The following TTN variants were observed in gnomAD, a reference collection of about 807,000 sequenced individuals.
The protein encoded by TTN is connectin.
In TTN, 1,525 loss-of-function variants were observed where a neutral mutation model predicts 3,223.0. The observed-to-expected ratio is 0.47, with a 90% CI of 0.45 to 0.49. The LOEUF (loss-of-function observed/expected upper bound fraction) is 0.49. Ranked by LOEUF, TTN falls within the 20% of genes least tolerant of loss-of-function variation. The probability of loss-of-function intolerance (pLI) is 0.00; values close to 1 mark genes in which losing one functional copy is unlikely to be tolerated. For missense variants in TTN, 40,786 were observed against 43,424.0 expected (o/e 0.94, Z 5.40); for synonymous variants, 14,094 against 15,161.0 (o/e 0.93, Z 5.17).
chr2:178,592,990 C>T lies in TTN; in HGVS notation c.59129G>A (p.Ser19710Asn). The change falls in exon 300 of 363, where the codon AGC (serine) becomes AAC (asparagine). Residue 19710 changes from serine to asparagine, a missense_variant. Physicochemically the swap from Ser to Asn is conservative, Grantham distance 46 (BLOSUM62 1). Transcript: ENST00000589042. ...CTCAACAATATAACCCAGAATCTTG[C>T]TCCCACCATCATGACGTGGTGGCTG... ...TWQPPRHDGG[S>N]KILGYIVEYQ... The T allele has an allele frequency of 6.2e-7, 1 of 1,613,502 alleles. No individual in the cohort carries two copies. The highest frequency in any genetic ancestry group is 1.1e-5 in the South Asian group (1 of 91,066).
rs376287060 is a variant in TTN at position 178,549,138 on chromosome 2, C to T, written c.92488G>A (p.Val30830Ile). Residue 30830 changes from valine (V) to isoleucine (I), a missense_variant, in exon 339 of 363, where the codon GTA (valine) becomes ATA (isoleucine). Physicochemically the swap from Val to Ile is conservative, Grantham distance 29 (BLOSUM62 3). Transcript: ENST00000589042. ...ACAGTTGTCTTTGATGTGTCTGTTA[C>T]TTTGACCACTGTGGGAGGACCTGGT... Reference protein sequence around the residue: ...NPPGPPTVVKVTDTSKTTVSL... With the variant: ...NPPGPPTVVKITDTSKTTVSL... The T allele has an allele frequency of 2.4e-5, 38 of 1,613,694 alleles. No individual in the cohort carries two copies. Among genetic ancestry groups the T allele is most frequent in the Middle Eastern group, 3.3e-4 (2 of 6,080 alleles).
At position 178,575,124 on chromosome 2, in the gene TTN, CT is replaced by C; in HGVS notation, c.71007del (p.Gly23670GlufsTer22). On this transcript the variant is annotated frameshift_variant, in exon 326 of 363. Transcript: ENST00000589042. LOFTEE classifies it high-confidence loss of function. The surrounding 1 kb of genome is among the most constrained non-coding windows in gnomAD (Gnocchi z 4.0). ...GRPKPTVTWK[K>X]GDQILKQTQR... ...TGTGTCTGTTTAAGAATTTGGTCTCCTTTTTTCCATGTCACTGTGGGCTTCG... is the reference window on the plus strand; with the variant it reads ...TGTGTCTGTTTAAGAATTTGGTCTCCTTTTTCCATGTCACTGTGGGCTTCG... 6.2e-7 allele frequency: 1 copy of C among 1,612,932 alleles called. No individual in the cohort carries two copies.
Position 178,543,069 on chromosome 2 carries a change from C to G in TTN, c.96904G>C (p.Val32302Leu), listed in dbSNP as rs1339368168. The change falls in exon 347 of 363, where the codon GTG becomes CTG. Residue 32302 changes from valine to leucine, a missense_variant and splice_region_variant. Physicochemically the swap from Val to Leu is conservative, Grantham distance 32 (BLOSUM62 1). Transcript: ENST00000589042. ...VTAVTVQDLR[V>L]LPTIDLSTMP... ...TTTTTTTTGGCTATTTGGTACATAC[C>G]TCTGAGGTCTTGTACAGTCACGGCT... 1 of 1,569,028 alleles carries G rather than the reference C, an allele frequency of 6.4e-7. No individual in the cohort carries two copies.
At chr2:178,803,734 T>C (rs1188927372) in intron 2 of TTN, among the ~76,000 whole-genome samples, 2 of 152,032 alleles carry the variant, frequency 1.3e-5, no homozygotes, top group Non-Finnish European at 2.9e-5. Context: ...CCATCTTACA[T>C]GGCTCGTTAC....
In TTN at chr2:178,739,395, A is replaced by T; in HGVS notation, c.13838T>A (p.Val4613Glu). Residue 4613 changes from valine (V) to glutamate (E), a missense_variant, in exon 48 of 363, where the codon GTG becomes GAG. Physicochemically the swap from Val to Glu is moderately radical, Grantham distance 121 (BLOSUM62 -2). Transcript: ENST00000589042. ...ATCACCTTCCTCAGAAACAGTGTCC[A>T]CTAAAGGTGTATGTATCATGGGGCC... ...EDGPMIHTPL[V>E]DTVSEEGDIV... The T allele has an allele frequency of 1.9e-6, 3 of 1,613,896 alleles. No individual in the cohort carries two copies. Among genetic ancestry groups the T allele is most frequent in the Non-Finnish European group, 2.5e-6 (3 of 1,179,834 alleles).
In TTN at chr2:178,718,913, G is replaced by A. The variant is rs370271716; in HGVS notation, c.24287C>T (p.Thr8096Ile). The A allele has an allele frequency of 6.2e-7, 1 of 1,613,062 alleles. No homozygotes were observed. Among genetic ancestry groups the A allele is most frequent in the Non-Finnish European group, 8.5e-7 (1 of 1,179,472 alleles). ...GGTGCCTCTGATGACACTGGTGAAT[G>A]TGAGGCTCATTCCAGGCAAAACTTC... is the stretch of plus-strand genomic sequence containing the variant. ...SVEVLPGMSL[T>I]FTSVIRGTPP... Residue 8096 changes from threonine (T) to isoleucine (I), a missense_variant, in exon 84 of 363, where the codon ACA becomes ATA. Physicochemically the swap from Thr to Ile is moderately conservative, Grantham distance 89. Transcript: ENST00000589042.
intron 121 of TTN, among the ~76,000 whole-genome samples, chr2:178,690,969 G>A (rs911488101): frequency 6.6e-6 from 1 of 152,096 alleles, no homozygotes; most frequent in Non-Finnish European, 1.5e-5. Flanking sequence ...TTTGTATGGG[G>A]AAATGTAGTA....
intron 43 of TTN, chr2:178,760,790 A>C (rs2088888383): frequency 6.6e-6 from 1 of 152,100 alleles, no homozygotes; most frequent in Admixed American, 6.5e-5. Context: ...TAACACGCCA[A>C]AAGACAGTGC....
Position 178,603,989 on chromosome 2 carries a change from A to G in TTN, c.54698T>C (p.Val18233Ala). 1 of 1,612,774 alleles carries G rather than the reference A, an allele frequency of 6.2e-7. No homozygotes were observed. Among genetic ancestry groups the G allele is most frequent in the Non-Finnish European group, 8.5e-7 (1 of 1,179,108 alleles). Residue 18233 changes from valine (V) to alanine (A), a missense_variant, in exon 282 of 363, where the codon GTT (valine) becomes GCT (alanine). By Grantham distance (64) the Val-to-Ala change is moderately conservative. Coordinates refer to ENST00000589042, the MANE Select transcript of TTN (RefSeq NM_001267550.2). The part of the protein sequence containing the change: ...KVGLKGVEFN[V>A]PRLLEGVKYQ... ...TTTAACGCCTTCAAGCAAACGAGGA[A>G]CATTAAATTCCACGCCTTTCAATCC...
chr2:178,614,091 G>A lies in TTN; in HGVS notation c.49306C>T (p.Pro16436Ser). ...GCTGTTATTGGAGAGGCCTGAACTG[G>A]TTCACCAACACCATACATGTTTTCT... ...AAENMYGVGE[P>S]VQASPITAKY... The change falls in exon 262 of 363, where the codon CCA becomes TCA. Residue 16436 changes from proline to serine, a missense_variant. Physicochemically the swap from Pro to Ser is moderately conservative, Grantham distance 74. Coordinates refer to ENST00000589042, the MANE Select transcript of TTN (RefSeq NM_001267550.2). 1 of 1,612,398 alleles carries A rather than the reference G, an allele frequency of 6.2e-7. No individual in the cohort carries two copies. The highest frequency in any genetic ancestry group is 8.5e-7 in the Non-Finnish European group (1 of 1,179,226).
Position 178,615,492 on chromosome 2 carries a change from A to G in TTN, c.48461-8T>C. 1 of 1,610,254 alleles carries G rather than the reference A, an allele frequency of 6.2e-7. No individual in the cohort carries two copies. The highest frequency in any genetic ancestry group is 1.1e-5 in the South Asian group (1 of 90,726). On this transcript the variant is annotated splice_polypyrimidine_tract_variant and splice_region_variant and intron_variant, in intron 258 of 362. Coordinates refer to ENST00000589042, the MANE Select transcript of TTN (RefSeq NM_001267550.2). ...CTGGTGGGTCAGGTACCGCTACAAC[A>G]TTTGGAAGAGAGAGTCAGTCTTACA... is the stretch of plus-strand genomic sequence containing the variant.
At position 178,542,211 on chromosome 2, in the gene TTN, T is replaced by G. The variant is rs966256203; in HGVS notation, c.97492+53A>C. On this transcript the variant is annotated intron_variant, in intron 349 of 362. Transcript: ENST00000589042. ...CATATTAAAAACAAATTCTTTTTTG[T>G]TAACATTCAGAATCAGAGGTGGGGA... is the stretch of plus-strand genomic sequence containing the variant. 3.8e-5 allele frequency: 57 copies of G among 1,514,708 alleles called. 1 individual carries two copies. The South Asian group carries it at 7.2e-4, about 19-fold the overall frequency. 93.8% of individuals were successfully genotyped at this position (1,514,708 alleles called of 1,614,324 possible).
intron 180 of TTN, among the ~76,000 whole-genome samples, chr2:178,660,760 A>G (rs1187922650): frequency 1.3e-5 from 2 of 152,304 alleles, no homozygotes; most frequent in Admixed American, 1.3e-4. Flanking sequence ...AATGGGAGAA[A>G]ATTTTTGCAA....
rs754126382 is a variant in TTN, at chr2:178,614,734, G to C, written c.48780C>G (p.Leu16260=). The C allele has an allele frequency of 7.5e-6, 12 of 1,608,198 alleles. No individual in the cohort carries two copies. In the South Asian group the frequency reaches 1.3e-4, roughly 18 times the overall value. ...VDTQEAPEIF[L]DVKLLAGLTV... ...TGAGACCAGCAAGGAGCTTCACATCGAGGAAGATTTCTGGGGCCTCTGAAT... is the reference window on the plus strand; with the variant it reads ...TGAGACCAGCAAGGAGCTTCACATCCAGGAAGATTTCTGGGGCCTCTGAAT... The change falls in exon 261 of 363, where the codon CTC becomes CTG. Residue 16260 remains leucine (L), a synonymous_variant. Coordinates refer to ENST00000589042, the MANE Select transcript of TTN (RefSeq NM_001267550.2).
chr2:178,575,892 C>A lies in TTN; in HGVS notation c.70240G>T (p.Val23414Phe), dbSNP rs759158138. Residue 23414 changes from valine (V) to phenylalanine (F), a missense_variant, in exon 326 of 363, where the codon GTC (valine) becomes TTC (phenylalanine). Transcript: ENST00000589042. The surrounding 1 kb of genome is among the most constrained non-coding windows in gnomAD (Gnocchi z 4.0). ...ECNRYDTGKF[V>F]MTIENPAGKK... ...CCAGCCGGGTTTTCAATGGTCATGA[C>A]AAATTTACCGGTATCATATCTGTTA... 3 of 1,613,560 alleles carry A rather than the reference C, an allele frequency of 1.9e-6. No individual in the cohort carries two copies. Among genetic ancestry groups the A allele is most frequent in the Non-Finnish European group, 2.5e-6 (3 of 1,179,612 alleles).
At chr2:178,627,626 A>G (rs1375855039) in intron 240 of TTN, among the ~76,000 whole-genome samples, 2 of 151,966 alleles carry the variant, frequency 1.3e-5, no homozygotes, top group African/African-American at 4.8e-5. Flanking sequence ...TAGTAAACTG[A>G]TCCTTTCTAA....
rs765677670 is a variant in TTN at position 178,570,380 on chromosome 2, A to G, written c.75752T>C (p.Val25251Ala). 2.5e-6 allele frequency: 4 copies of G among 1,613,092 alleles called. 1 individual carries two copies. In the South Asian group the frequency reaches 3.3e-5, roughly 13 times the overall value. ...IVERRETSRL[V>A]WTVVDANVQT... Reference sequence around the variant, plus strand: ...CACATTGGCATCAACCACAGTCCAAACTAAGCGGCTGGTTTCTCTCCTTTC... The same window carrying G: ...CACATTGGCATCAACCACAGTCCAAGCTAAGCGGCTGGTTTCTCTCCTTTC... The change falls in exon 326 of 363, where the codon GTT (valine) becomes GCT (alanine). Residue 25251 changes from valine to alanine, a missense_variant. Transcript: ENST00000589042.
rs759214389 is a variant in TTN at position 178,741,181 on chromosome 2, C to T, written c.12052G>A (p.Gly4018Ser). The change falls in exon 48 of 363, where the codon GGT (glycine) becomes AGT (serine). Residue 4018 changes from glycine to serine, a missense_variant. By Grantham distance (56) the Gly-to-Ser change is moderately conservative (BLOSUM62 0). Coordinates refer to ENST00000589042, the MANE Select transcript of TTN (RefSeq NM_001267550.2). ...LYICKAENML[G>S]ESTCAAELLV... ...AGCTCTGCTGCACAGGTGGACTCAC[C>T]CAACATATTCTCTGCTTTACAGATA... 3 of 1,613,300 alleles carry T rather than the reference C, an allele frequency of 1.9e-6. No individual in the cohort carries two copies. In the Admixed American group the frequency reaches 5.0e-5, roughly 27 times the overall value.
intron 209 of TTN, among the ~76,000 whole-genome samples, chr2:178,650,546 A>G (rs536540213): frequency 2.0e-4 from 30 of 152,244 alleles, no homozygotes; most frequent in African/African-American, 6.7e-4. Context: ...TGTTTAATAT[A>G]GCTTACTATG....
Sources: gnomAD v4.1 joint callset for allele counts (sites outside exome capture counted in the v4.1 genomes callset) on GRCh38, gnomAD v4.1.1 for gene constraint, Gnocchi (gnomAD v3.1) non-coding constraint, MANE v1.5 for transcripts, NCBI Gene and HGNC (gene_info 2026-07-23, HGNC 2026-07-21) for gene names.